Variants in PNPLA1 observed in about 807,000 individuals in gnomAD.
PNPLA1 encodes the protein omega-hydroxyceramide transacylase.
A neutral mutation model predicts 51.7 loss-of-function variants in PNPLA1; 36 were observed. That is an observed-to-expected ratio of 0.70 (90% confidence interval 0.53 to 0.92). The LOEUF (loss-of-function observed/expected upper bound fraction) is 0.92, where lower values mean the gene tolerates loss of function less well. PNPLA1 is among the 40% of genes least tolerant of loss of function. The pLI is 0.00. For synonymous variants in PNPLA1, 293 were observed against 280.1 expected (o/e 1.05, Z -0.46); for missense variants, 658 against 682.5 (o/e 0.96, Z 0.40).
chr6:36,244,360 A>G (rs552536546), intron 1 of PNPLA1, among the ~76,000 whole-genome samples: 71 of 151,820 alleles, frequency 4.7e-4, no homozygotes, highest in African/African-American at 1.3e-3. Context: ...TTTTTTAGAC[A>G]AAAAAAATGG....
At chr6:36,244,586 T>G (rs1769224129) in intron 1 of PNPLA1, among the ~76,000 whole-genome samples, 1 of 152,202 alleles carries the variant, frequency 6.6e-6, no homozygotes, top group Non-Finnish European at 1.5e-5. Context: ...TGACCTCAGG[T>G]GCAGAAGGCA....
In PNPLA1 at chr6:36,303,207, G is replaced by A. The variant is rs150181575; in HGVS notation, c.1384+738G>A. Among the ~76,000 whole-genome samples, 497 of 152,084 alleles carry A rather than the reference G, an allele frequency of 3.3e-3. 3 individuals carry two copies. The highest frequency in any genetic ancestry group is 0.011 in the African/African-American group (448 of 41,492). On this transcript the variant is annotated intron_variant, in intron 6 of 8. Coordinates refer to ENST00000636260, the MANE Select transcript of PNPLA1 (RefSeq NM_001374623.1). ...CCTCCCGGGTTCACGCCATTCTTCTGCCTCAGCCTCCCGAGTAGCTGGGAC... is the reference window on the plus strand; with the variant it reads ...CCTCCCGGGTTCACGCCATTCTTCTACCTCAGCCTCCCGAGTAGCTGGGAC...
intron 1 of PNPLA1, among the ~76,000 whole-genome samples, chr6:36,288,192 A>C (rs1411906333): frequency 1.3e-5 from 2 of 152,252 alleles, no homozygotes; most frequent in Non-Finnish European, 2.9e-5. Context: ...TAAAGAAGCT[A>C]GCATGAGATT....
At chr6:36,254,045 A>G (rs949767269) in intron 1 of PNPLA1, among the ~76,000 whole-genome samples, 1 of 152,204 alleles carries the variant, frequency 6.6e-6, no homozygotes, top group Non-Finnish European at 1.5e-5. Context: ...CTGAGCTAGA[A>G]AGCAATATGT....
chr6:36,310,731 C>T (rs1771389240), intron 8 of PNPLA1, among the ~76,000 whole-genome samples: 1 of 152,196 alleles, frequency 6.6e-6, no homozygotes. Context: ...GTGATACAGC[C>T]TACGAGGGTG....
At chr6:36,291,583 C>CTGG in intron 2 of PNPLA1, 31 bp downstream of exon 2, 1 of 53,508 alleles carries the variant, frequency 1.9e-5, no homozygotes, top group Non-Finnish European at 3.6e-5. Context: ...GGGAGGGACA[C>CTGG]GGAGGGGGCG....
chr6:36,275,948 TTTTC>T (rs547037174), intron 1 of PNPLA1, among the ~76,000 whole-genome samples: 21 of 141,252 alleles, frequency 1.5e-4, no homozygotes, highest in South Asian at 1.3e-3. Context: ...ACCTATGGCA[TTTTC>T]TTTCTTTCTT....
At position 36,277,044 on chromosome 6, in the gene PNPLA1, T is replaced by C. The variant is rs890980014; in HGVS notation, c.205+6380T>C. 2.6e-5 allele frequency among the ~76,000 whole-genome samples: 4 copies of C among 152,062 alleles called. No homozygotes were observed. The East Asian group carries it at 7.7e-4, about 29-fold the overall frequency. The stretch of plus-strand genomic sequence containing the variant: ...AGCGGCATTTGAGCTTGTCCATGCT[T>C]GAAATGTGAGAAGTTGGACAGGTAG... On this transcript the variant is annotated intron_variant, in intron 1 of 8. Transcript: ENST00000636260.
chr6:36,288,754 G>A (rs918270145), intron 1 of PNPLA1, among the ~76,000 whole-genome samples: 17 of 151,938 alleles, frequency 1.1e-4, no homozygotes, highest in South Asian at 2.1e-4. Flanking sequence ...CACCATGCCC[G>A]GCTGGAGACC....
intron 1 of PNPLA1, among the ~76,000 whole-genome samples, chr6:36,250,957 C>T (rs1289533555): frequency 6.6e-6 from 1 of 152,246 alleles, no homozygotes; most frequent in Non-Finnish European, 1.5e-5. Flanking sequence ...CTGCCTCGGC[C>T]TCCCAAAGTG....
intron 1 of PNPLA1, among the ~76,000 whole-genome samples, chr6:36,273,844 G>A (rs1472063814): frequency 6.6e-6 from 1 of 151,850 alleles, no homozygotes; most frequent in South Asian, 2.1e-4. Context: ...GGGCTGTGAC[G>A]GTCATGGACG....
Position 36,270,393 on chromosome 6 carries a change from C to G in PNPLA1, c.-67C>G. 1 of 1,509,552 alleles carries G rather than the reference C, an allele frequency of 6.6e-7. No individual in the cohort carries two copies. Among genetic ancestry groups the G allele is most frequent in the South Asian group, 1.2e-5 (1 of 82,252 alleles). The allele number at this position is 1,509,552 out of a possible 1,614,324, so 93.5% of individuals were successfully genotyped here. On this transcript the variant is annotated 5_prime_UTR_variant, in exon 1 of 9. Coordinates refer to ENST00000636260, the MANE Select transcript of PNPLA1 (RefSeq NM_001374623.1). Reference sequence around the variant, plus strand: ...AGGGAGTTCCTACAGGGAGCGGCAGCCCAGGCTCGGGCAGGCAAGTGCTGA... The same window carrying G: ...AGGGAGTTCCTACAGGGAGCGGCAGGCCAGGCTCGGGCAGGCAAGTGCTGA...
At chr6:36,306,438 G>A (rs917289436) in intron 7 of PNPLA1, 62 bp downstream of exon 7, 5 of 1,445,082 alleles carry the variant, frequency 3.5e-6, no homozygotes, top group Admixed American at 2.0e-5. Flanking sequence ...GCCCGGCTAA[G>A]CGATATCTTC....
intron 1 of PNPLA1, among the ~76,000 whole-genome samples, chr6:36,287,375 G>C (rs975645874): frequency 2.0e-5 from 3 of 151,388 alleles, no homozygotes; most frequent in African/African-American, 4.8e-5. Context: ...AGCAGAAGTG[G>C]ATGTGCCTAG....
intron 8 of PNPLA1, among the ~76,000 whole-genome samples, chr6:36,310,989 C>T (rs749997801): frequency 2.0e-5 from 3 of 152,152 alleles, no homozygotes; most frequent in Non-Finnish European, 4.4e-5. Flanking sequence ...GGGAGGGTCC[C>T]GGGGCAGTGT....
At position 36,275,948 on chromosome 6, in the gene PNPLA1, T is replaced by TTTTC. The variant is rs547037174; in HGVS notation, c.205+5308_205+5311dup. On this transcript the variant is annotated intron_variant, in intron 1 of 8. Coordinates refer to ENST00000636260, the MANE Select transcript of PNPLA1 (RefSeq NM_001374623.1). ...AATGGGACCTTTTTTACCTATGGCA[T>TTTTC]TTTCTTTCTTTCTTTCTTTCTTTCT... Among the ~76,000 whole-genome samples, 723 of 141,298 alleles carry TTTTC rather than the reference T, an allele frequency of 5.1e-3. 28 individuals carry two copies. Among genetic ancestry groups the TTTTC allele is most frequent in the South Asian group, 0.035 (159 of 4,578 alleles). The allele number at this position is 141,298 out of a possible 152,430, so 92.7% of individuals were successfully genotyped here.
At position 36,270,268 on chromosome 6, in the gene PNPLA1, G is replaced by A. The variant is rs1769869499; in HGVS notation, c.-192G>A. 6.6e-6 allele frequency among the ~76,000 whole-genome samples: 1 copy of A among 152,246 alleles called. No individual in the cohort carries two copies. On this transcript the variant is annotated 5_prime_UTR_variant, in exon 1 of 9. Transcript: ENST00000636260. Reference sequence around the variant, plus strand: ...CAACCTTTGGAGTTGCCTCCTGGCGGAGCTTAACAGGCTGAGGCAGCTTCC... The same window carrying A: ...CAACCTTTGGAGTTGCCTCCTGGCGAAGCTTAACAGGCTGAGGCAGCTTCC...
chr6:36,294,004 A>G lies in PNPLA1; in HGVS notation c.505-186A>G, dbSNP rs1481435204. ...GTCCAGAGGCCAATGCAGACTCACT[A>G]AGTGACCAGGGGCACACCACGCACC... On this transcript the variant is annotated intron_variant, in intron 3 of 8. Coordinates refer to ENST00000636260, the MANE Select transcript of PNPLA1 (RefSeq NM_001374623.1). The surrounding 1 kb of genome is among the most constrained non-coding windows in gnomAD (Gnocchi z 4.2). Among the ~76,000 whole-genome samples the G allele has an allele frequency of 4.6e-5, 7 of 152,132 alleles. No homozygotes were observed. Among genetic ancestry groups the G allele is most frequent in the African/African-American group, 1.7e-4 (7 of 41,422 alleles).
In PNPLA1 at chr6:36,270,428, C is replaced by G. The variant is rs367841237; in HGVS notation, c.-32C>G. 7.1e-6 allele frequency: 11 copies of G among 1,549,492 alleles called. No homozygotes were observed. The highest frequency in any genetic ancestry group is 2.4e-5 in the East Asian group (1 of 40,912). On this transcript the variant is annotated 5_prime_UTR_variant, in exon 1 of 9. Transcript: ENST00000636260. ...GGCAGGCAAGTGCTGAAGGGTGGCTCCGCCTTCCGCAGAAAGTCAGAGGCC... is the reference window on the plus strand; with the variant it reads ...GGCAGGCAAGTGCTGAAGGGTGGCTGCGCCTTCCGCAGAAAGTCAGAGGCC...
Sources: allele counts gnomAD v4.1 joint callset (sites outside exome capture counted in the v4.1 genomes callset), GRCh38; gene constraint gnomAD v4.1.1; non-coding constraint Gnocchi (gnomAD v3.1); transcripts MANE v1.5; gene names NCBI Gene and HGNC (gene_info 2026-07-23, HGNC 2026-07-21).